ADCY1: variants seen among roughly 807,000 people sequenced by gnomAD.
The protein encoded by ADCY1 is adenylate cyclase 1.
Under a neutral mutation model 105.4 loss-of-function variants are expected in ADCY1, and 28 were observed. That is an observed-to-expected ratio of 0.27 (90% CI 0.20 to 0.36). ADCY1 has a LOEUF of 0.36. Ranked by LOEUF, ADCY1 falls within the 10% of genes least tolerant of loss-of-function variation. ADCY1 has a pLI of 1.00. For synonymous variants in ADCY1, 655 were observed against 623.8 expected, an observed-to-expected ratio of 1.05 and a Z score of -0.75; for missense variants, 977 against 1,434.2, an observed-to-expected ratio of 0.68 and a Z score of 5.15.
rs1353328214 is a variant in ADCY1 at position 45,723,062 on chromosome 7, ATACTT to A, written c.*9069_*9073del. 6.6e-6 allele frequency: 1 copy of A among 152,224 alleles called. No homozygotes were observed. Among genetic ancestry groups the A allele is most frequent in the South Asian group, 2.1e-4 (1 of 4,806 alleles). The allele number at this position is 152,224 out of a possible 1,614,324, so 9.4% of individuals were successfully genotyped here. On this transcript the variant is annotated 3_prime_UTR_variant, in exon 20 of 20. Transcript: ENST00000297323. ...AACTTTTCTACTGAGTGTTTGCACTATACTTTCTGGAATCTTATTTAACAAAAATA... is the reference window on the plus strand; with the variant it reads ...AACTTTTCTACTGAGTGTTTGCACTATCTGGAATCTTATTTAACAAAAATA...
chr7:45,714,088 C>A lies in ADCY1; in HGVS notation c.*93C>A. 1 of 633,998 alleles carries A rather than the reference C, an allele frequency of 1.6e-6. No homozygotes were observed. Among genetic ancestry groups the A allele is most frequent in the Non-Finnish European group, 2.8e-6 (1 of 351,128 alleles). The allele number at this position is 633,998 out of a possible 1,614,324, so 39.3% of individuals were successfully genotyped here. A position where few individuals can be genotyped will look rare whatever the true frequency, so the allele number is the denominator to read the frequency against. ...TGGCTCCAGCCAGGACCAGCCAGAC[C>A]AGCAGAGCAGGGAGCCACTTGCCAG... is the stretch of plus-strand genomic sequence containing the variant. On this transcript the variant is annotated 3_prime_UTR_variant, in exon 20 of 20. Transcript: ENST00000297323.
intron 5 of ADCY1, among the ~76,000 whole-genome samples, chr7:45,651,296 G>T (rs1481316889): frequency 6.6e-6 from 1 of 152,170 alleles, no homozygotes; most frequent in East Asian, 1.9e-4. Flanking sequence ...ACCAGTGTGT[G>T]CTCTGCACGG....
chr7:45,656,728 G>A (rs1038238409), intron 5 of ADCY1, among the ~76,000 whole-genome samples: 8 of 152,296 alleles, frequency 5.3e-5, no homozygotes, highest in Admixed American at 2.6e-4. Flanking sequence ...TGCATGTACC[G>A]AGTTGTTATT....
At position 45,710,494 on chromosome 7, in the gene ADCY1, G is replaced by A. The variant is rs573604551; in HGVS notation, c.2933-34G>A. ...TGGTGGGGTGAGTTACACTTTTCCC[G>A]CTGATGACAGGTCATGCGCTGGCTG... On this transcript the variant is annotated intron_variant, in intron 18 of 19. Transcript: ENST00000297323. This position sits in a 1 kb window ranked among gnomAD's most constrained non-coding sequence, Gnocchi z 4.7. 15 of 1,606,728 alleles carry A rather than the reference G, an allele frequency of 9.3e-6. No homozygotes were observed. Among genetic ancestry groups the A allele is most frequent in the East Asian group, 9.0e-5 (4 of 44,646 alleles).
intron 11 of ADCY1, among the ~76,000 whole-genome samples, chr7:45,681,220 A>G (rs1273733524): frequency 6.6e-6 from 1 of 152,068 alleles, no homozygotes; most frequent in African/African-American, 2.4e-5. Flanking sequence ...GCCCAGAATT[A>G]CCCCCCTTTT....
At chr7:45,711,699 A>ATATATACATATATGTGTG (rs1348253902) in intron 19 of ADCY1, among the ~76,000 whole-genome samples, 9 of 143,664 alleles carry the variant, frequency 6.3e-5, no homozygotes, top group East Asian at 6.0e-4. Flanking sequence ...ACATATATGT[A>ATATATACATATATGTGTG]TATATACATA....
At chr7:45,637,349 CT>C (rs1413883868) in intron 4 of ADCY1, among the ~76,000 whole-genome samples, 1 of 152,204 alleles carries the variant, frequency 6.6e-6, no homozygotes, top group African/African-American at 2.4e-5. Context: ...AATATCTGAT[CT>C]GTTTATTCAT....
chr7:45,657,475 G>A (rs1794972700), intron 5 of ADCY1, among the ~76,000 whole-genome samples: 1 of 152,240 alleles, frequency 6.6e-6, no homozygotes. Flanking sequence ...CATGAGTCTG[G>A]TGTGGACATG....
At position 45,574,567 on chromosome 7, in the gene ADCY1, A is replaced by AGGC. The variant is rs1282721789; in HGVS notation, c.33_35dup (p.Gly14dup). 2.1e-6 allele frequency: 2 copies of AGGC among 975,188 alleles called. No individual in the cohort carries two copies. The highest frequency in any genetic ancestry group is 1.2e-6 in the Non-Finnish European group (1 of 827,000). The allele number at this position is 975,188 out of a possible 1,614,324, so 60.4% of individuals were successfully genotyped here. ...AGATGGCGGGGGCGCCGCGCGGCGG[A>AGGC]GGCGGCGGCGGAGGCGGCGCGGGCG... On this transcript the variant is annotated inframe_insertion, in exon 1 of 20. Transcript: ENST00000297323. The surrounding 1 kb of genome is among the most constrained non-coding windows in gnomAD (Gnocchi z 7.0).
chr7:45,711,774 T>G (rs1230436544), intron 19 of ADCY1, among the ~76,000 whole-genome samples: 2 of 141,558 alleles, frequency 1.4e-5, no homozygotes, highest in African/African-American at 5.2e-5. Flanking sequence ...TGTGTATATA[T>G]ACAGCATGAA....
Position 45,686,304 on chromosome 7 carries a change from A to G in ADCY1, c.2327+89A>G, listed in dbSNP as rs1429965079. On this transcript the variant is annotated intron_variant, in intron 13 of 19. Transcript: ENST00000297323. This position sits in a 1 kb window ranked among gnomAD's most constrained non-coding sequence, Gnocchi z 4.3. ...ATATGCACTACAGGCTTCTGAGTCC[A>G]GAACTAGTCAAGTTGAATTGTATAC... is the stretch of plus-strand genomic sequence containing the variant. 6 of 1,516,340 alleles carry G rather than the reference A, an allele frequency of 4.0e-6. No individual in the cohort carries two copies. The East Asian group carries it at 9.1e-5, about 23-fold the overall frequency. The allele number at this position is 1,516,340 out of a possible 1,614,324, so 93.9% of individuals were successfully genotyped here.
At chr7:45,657,688 A>G (rs746901105) in intron 5 of ADCY1, 39 bp from the exon 6 acceptor site, 449 of 1,591,424 alleles carry the variant, frequency 2.8e-4, no homozygotes, top group South Asian at 1.2e-3. Flanking sequence ...GGAGGATACA[A>G]GGTGGGCCCT....
chr7:45,606,521 G>A (rs1562684576), intron 2 of ADCY1, among the ~76,000 whole-genome samples: 1 of 152,180 alleles, frequency 6.6e-6, no homozygotes, highest in Non-Finnish European at 1.5e-5. Flanking sequence ...TGGCATATAT[G>A]AGGCTAAAGA....
intron 8 of ADCY1, among the ~76,000 whole-genome samples, chr7:45,666,888 G>A (rs1784272365): frequency 6.6e-6 from 1 of 152,170 alleles, no homozygotes; most frequent in African/African-American, 2.4e-5. Context: ...GTGATGATGA[G>A]CATTTTTTCA....
intron 14 of ADCY1, among the ~76,000 whole-genome samples, chr7:45,688,249 A>G (rs965913284): frequency 6.6e-6 from 1 of 152,212 alleles, no homozygotes; most frequent in African/African-American, 2.4e-5. Flanking sequence ...TTCAGCAGTA[A>G]AATGGGGTGA....
intron 14 of ADCY1, among the ~76,000 whole-genome samples, chr7:45,697,386 CTT>C (rs34522967): frequency 3.7e-5 from 4 of 108,274 alleles, no homozygotes; most frequent in African/African-American, 1.1e-4. Context: ...CTCTCTTTAC[CTT>C]TTTTTTTTTT....
At chr7:45,602,630 G>A (rs1190671879) in intron 2 of ADCY1, among the ~76,000 whole-genome samples, 1 of 152,198 alleles carries the variant, frequency 6.6e-6, no homozygotes, top group African/African-American at 2.4e-5. Context: ...ATTTTTAAAT[G>A]GGGCTGGCCA....
In ADCY1 at chr7:45,679,884, A is replaced by G; in HGVS notation, c.1983+91A>G. The G allele has an allele frequency of 7.5e-6, 11 of 1,463,492 alleles. No individual in the cohort carries two copies. The South Asian group carries it at 1.2e-4, about 17-fold the overall frequency. The allele number at this position is 1,463,492 out of a possible 1,614,324, so 90.7% of individuals were successfully genotyped here. On this transcript the variant is annotated intron_variant, in intron 11 of 19. Coordinates refer to ENST00000297323, the MANE Select transcript of ADCY1 (RefSeq NM_021116.4). Reference sequence around the variant, plus strand: ...CCTGCACCTGCATATCACCTGGTCCAGGTATGAGGGTGGCCTGTGTCCTAT... The same window carrying G: ...CCTGCACCTGCATATCACCTGGTCCGGGTATGAGGGTGGCCTGTGTCCTAT...
chr7:45,679,343 C>T (rs1784515653), intron 10 of ADCY1, among the ~76,000 whole-genome samples: 1 of 152,170 alleles, frequency 6.6e-6, no homozygotes, highest in African/African-American at 2.4e-5. Context: ...CCAGACAAAG[C>T]CCAGCTAGAG....
Sources: allele counts gnomAD v4.1 joint callset (sites outside exome capture counted in the v4.1 genomes callset), GRCh38; gene constraint gnomAD v4.1.1; non-coding constraint Gnocchi (gnomAD v3.1); transcripts MANE v1.5; gene names NCBI Gene and HGNC (gene_info 2026-07-23, HGNC 2026-07-21).